The following ERCC6L variants were observed in gnomAD, a reference collection of about 807,000 sequenced individuals.
The protein encoded by ERCC6L is DNA excision repair protein ERCC-6-like.
A neutral mutation model predicts 20.1 loss-of-function variants in ERCC6L; 7 were observed. The ratio of observed to expected loss-of-function variants is 0.35; its 90% confidence interval spans 0.20 to 0.65. ERCC6L has a LOEUF of 0.65. ERCC6L is among the 30% of genes least tolerant of loss of function. ERCC6L has a pLI of 0.69. For missense variants in ERCC6L, 592 were observed against 892.4 expected (o/e 0.66, Z 4.29); for synonymous variants, 278 against 331.3 (o/e 0.84, Z 1.75).
At chrX:72,213,388 G>A (rs1355985762) in intron 1 of ERCC6L, among the ~76,000 whole-genome samples, 1 of 111,655 alleles carries the variant, frequency 9.0e-6, no homozygotes, top group Non-Finnish European at 1.9e-5. Context: ...GAAAATGATC[G>A]GGATATAAAT....
intron 1 of ERCC6L, among the ~76,000 whole-genome samples, chrX:72,233,160 A>G (rs1244045031): frequency 2.7e-5 from 3 of 111,574 alleles, no homozygotes; most frequent in African/African-American, 9.8e-5. Context: ...CAGATGTTAT[A>G]TACTTCCTGA....
At chrX:72,231,748 T>G (rs1017797644) in intron 1 of ERCC6L, among the ~76,000 whole-genome samples, 1 of 111,197 alleles carries the variant, frequency 9.0e-6, no homozygotes, top group African/African-American at 3.3e-5. Flanking sequence ...GAGACAGAGT[T>G]TCGCCATGTT....
At chrX:72,227,998 T>C (rs1439609805) in intron 1 of ERCC6L, among the ~76,000 whole-genome samples, 1 of 112,642 alleles carries the variant, frequency 8.9e-6, no homozygotes, top group Non-Finnish European at 1.9e-5. Context: ...CTTCCTTATT[T>C]GAAGGTGTTT....
intron 1 of ERCC6L, among the ~76,000 whole-genome samples, chrX:72,230,100 G>A (rs934619409): frequency 6.4e-5 from 7 of 109,723 alleles, no homozygotes; most frequent in Admixed American, 9.8e-5. Flanking sequence ...GCATGAACCC[G>A]GGAGGAGGAG....
At chrX:72,237,207 A>C (rs1383884865) in intron 1 of ERCC6L, among the ~76,000 whole-genome samples, 1 of 111,671 alleles carries the variant, frequency 9.0e-6, no homozygotes, top group African/African-American at 3.3e-5. Context: ...GGAAAAATCT[A>C]AATGAAAGGC....
intron 1 of ERCC6L, among the ~76,000 whole-genome samples, chrX:72,236,744 A>G (rs1007678109): frequency 8.9e-6 from 1 of 112,053 alleles, no homozygotes; most frequent in African/African-American, 3.2e-5. Flanking sequence ...CTTGAATGAC[A>G]CTGGTTCATT....
intron 1 of ERCC6L, among the ~76,000 whole-genome samples, chrX:72,210,245 A>G (rs920002031): frequency 1.8e-5 from 2 of 109,233 alleles, no homozygotes; most frequent in Non-Finnish European, 3.8e-5. Flanking sequence ...AAATAAATAA[A>G]TGGAAAAAAG....
rs947868433 is a variant in ERCC6L at position 72,238,940 on chromosome X, G to A, written c.-29C>T. On this transcript the variant is annotated 5_prime_UTR_variant, in exon 1 of 2. Transcript: ENST00000334463. ...CCTCGGATTGGGTTCCAGTTACCCC[G>A]GCGGGAGTTTGGAGCTTGGAGCTTG... 2 of 1,166,994 alleles carry A rather than the reference G, an allele frequency of 1.7e-6. No individual in the cohort carries two copies. Among genetic ancestry groups the A allele is most frequent in the Non-Finnish European group, 2.3e-6 (2 of 867,835 alleles).
At chrX:72,210,181 C>T (rs1281241953) in intron 1 of ERCC6L, among the ~76,000 whole-genome samples, 2 of 76,306 alleles carry the variant, frequency 2.6e-5, no homozygotes, top group Non-Finnish European at 4.4e-5. Context: ...GCCTGAATAA[C>T]ATAGCGAGAC....
In ERCC6L at chrX:72,238,954, GC is replaced by G. The variant is rs1171415765; in HGVS notation, c.-44del. On this transcript the variant is annotated 5_prime_UTR_variant, in exon 1 of 2. Coordinates refer to ENST00000334463, the MANE Select transcript of ERCC6L (RefSeq NM_017669.4). ...CCAGTTACCCCGGCGGGAGTTTGGA[GC>G]TTGGAGCTTGGAGCTTGGAGCTTGG... The G allele has an allele frequency of 2.1e-5, 20 of 963,447 alleles. No homozygotes were observed. In the African/African-American group the frequency reaches 2.5e-4, roughly 12 times the overall value. 79.4% of individuals were successfully genotyped at this position (963,447 alleles called of 1,213,427 possible).
intron 1 of ERCC6L, among the ~76,000 whole-genome samples, chrX:72,218,495 CT>C (rs200615272): frequency 1.2e-3 from 118 of 97,028 alleles, no homozygotes; most frequent in Non-Finnish European, 1.1e-3. Context: ...ATTTCTTTCT[CT>C]TTTTTTTTTT....
intron 1 of ERCC6L, among the ~76,000 whole-genome samples, chrX:72,236,752 A>G (rs775496421): frequency 8.9e-6 from 1 of 112,120 alleles, no homozygotes; most frequent in South Asian, 3.7e-4. Context: ...ACACTGGTTC[A>G]TTCAATATCA....
intron 1 of ERCC6L, among the ~76,000 whole-genome samples, chrX:72,233,325 T>C (rs955760665): frequency 9.0e-6 from 1 of 111,636 alleles, no homozygotes; most frequent in Non-Finnish European, 1.9e-5. Flanking sequence ...ATCATTGTCA[T>C]AGAAATAAAA....
At position 72,207,743 on chromosome X, in the gene ERCC6L, C is replaced by G; in HGVS notation, c.1024G>C (p.Glu342Gln). Reference sequence around the variant, plus strand: ...GGATTCTTTTCATTAAGTCTGGCCTCTGGGTTGCTTGACTTTTTCTTCTGT... The same window carrying G: ...GGATTCTTTTCATTAAGTCTGGCCTGTGGGTTGCTTGACTTTTTCTTCTGT... ...DVQKKKSSNP[E>Q]ARLNEKNPDV... The change falls in exon 2 of 2, where the codon GAG becomes CAG. Residue 342 changes from glutamate to glutamine, a missense_variant. Glu to Gln is a conservative substitution (Grantham distance 29). Coordinates refer to ENST00000334463, the MANE Select transcript of ERCC6L (RefSeq NM_017669.4). The G allele has an allele frequency of 8.3e-7, 1 of 1,211,547 alleles. No homozygotes were observed.
intron 1 of ERCC6L, among the ~76,000 whole-genome samples, chrX:72,236,133 G>A (rs967562166): frequency 1.8e-5 from 2 of 110,540 alleles, no homozygotes; most frequent in African/African-American, 6.6e-5. Flanking sequence ...ATGCTTGAAC[G>A]GTGGTGTAAT....
Position 72,217,936 on chromosome X carries a change from T to C in ERCC6L, c.69-9238A>G, listed in dbSNP as rs6653324. Among the ~76,000 whole-genome samples the C allele has an allele frequency of 5.9e-3, 665 of 111,798 alleles. 9 individuals carry two copies. Among genetic ancestry groups the C allele is most frequent in the African/African-American group, 0.02 (625 of 30,770 alleles). On this transcript the variant is annotated intron_variant, in intron 1 of 1. Coordinates refer to ENST00000334463, the MANE Select transcript of ERCC6L (RefSeq NM_017669.4). ...TCGTAAGTTTTGAATTTGGGAACTA[T>C]GAGTCCTCTAACTTTGTTCCTTTAA... is the stretch of plus-strand genomic sequence containing the variant.
rs370873689 is a variant in ERCC6L, at chrX:72,207,070, G to A, written c.1697C>T (p.Ala566Val). ...TCCAATTCGGTAAACTCTATCCACAGCTTGAGCATCAGTTGCAGGATTCCA... is the reference window on the plus strand; with the variant it reads ...TCCAATTCGGTAAACTCTATCCACAACTTGAGCATCAGTTGCAGGATTCCA... Reference protein sequence around the residue: ...PSWNPATDAQAVDRVYRIGQK... With the variant: ...PSWNPATDAQVVDRVYRIGQK... The change falls in exon 2 of 2, where the codon GCT becomes GTT. Residue 566 changes from alanine to valine, a missense_variant. Physicochemically the swap from Ala to Val is moderately conservative, Grantham distance 64 (BLOSUM62 0). Transcript: ENST00000334463. 3 of 1,209,859 alleles carry A rather than the reference G, an allele frequency of 2.5e-6. No individual in the cohort carries two copies. The highest frequency in any genetic ancestry group is 3.0e-5 in the East Asian group (1 of 33,771).
At chrX:72,214,995 C>T (rs1408901339) in intron 1 of ERCC6L, among the ~76,000 whole-genome samples, 1 of 111,527 alleles carries the variant, frequency 9.0e-6, no homozygotes, top group Non-Finnish European at 1.9e-5. Context: ...TCAAAACAAA[C>T]AAACAAACAA....
chrX:72,234,579 C>G lies in ERCC6L; in HGVS notation c.68+4265G>C, dbSNP rs761571976. ...CAATAACTGGAAATGAAAATAGGAT[C>G]AAGAGAGGATTTTTTTTTTTAACAA... is the stretch of plus-strand genomic sequence containing the variant. On this transcript the variant is annotated intron_variant, in intron 1 of 1. Transcript: ENST00000334463. Among the ~76,000 whole-genome samples the G allele has an allele frequency of 1.1e-3, 126 of 110,466 alleles. No individual in the cohort carries two copies. In the South Asian group the frequency reaches 0.015, roughly 13 times the overall value.
Sources: allele counts gnomAD v4.1 joint callset (sites outside exome capture counted in the v4.1 genomes callset), GRCh38; gene constraint gnomAD v4.1.1; transcripts MANE v1.5; gene names NCBI Gene and HGNC (gene_info 2026-07-23, HGNC 2026-07-21).